Variants in RNGTT observed in about 807,000 individuals in gnomAD.
The protein encoded by RNGTT is RNA guanylyltransferase and 5'-phosphatase, also known as mRNA-capping enzyme.
Under a neutral mutation model 79.3 loss-of-function variants are expected in RNGTT, and 33 were observed. The ratio of observed to expected loss-of-function variants is 0.42; its 90% CI spans 0.32 to 0.56. The LOEUF (loss-of-function observed/expected upper bound fraction) is 0.56, where lower values mean the gene tolerates loss of function less well. Among genes scored for constraint, RNGTT ranks in the 20% least tolerant of loss-of-function variants. RNGTT has a pLI of 0.17. For synonymous variants in RNGTT, 222 were observed against 235.9 expected, an observed-to-expected ratio of 0.94 and a Z score of 0.54; for missense variants, 497 against 739.1, an observed-to-expected ratio of 0.67 and a Z score of 3.80.
chr6:88,799,875 A>G (rs910265725), intron 12 of RNGTT, among the ~76,000 whole-genome samples: 1 of 152,040 alleles, frequency 6.6e-6, no homozygotes, highest in African/African-American at 2.4e-5. Context: ...AAATTTTCTG[A>G]ATTTATTGTT....
At chr6:88,615,440 G>A (rs1298538216) in intron 14 of RNGTT, among the ~76,000 whole-genome samples, 1 of 152,102 alleles carries the variant, frequency 6.6e-6, no homozygotes, top group Admixed American at 6.5e-5. Context: ...TGTACCATCT[G>A]CATTTTCAAC....
At chr6:88,864,608 C>T (rs1284989011) in intron 8 of RNGTT, among the ~76,000 whole-genome samples, 4 of 152,064 alleles carry the variant, frequency 2.6e-5, no homozygotes, top group African/African-American at 9.7e-5. Flanking sequence ...TTTAAACTGT[C>T]CTAAGACAGT....
At chr6:88,850,049 CTCA>C (rs1209139233) in intron 9 of RNGTT, among the ~76,000 whole-genome samples, 1 of 151,896 alleles carries the variant, frequency 6.6e-6, no homozygotes, top group East Asian at 1.9e-4. Context: ...CTGACAATAT[CTCA>C]TCATATTTTT....
intron 12 of RNGTT, among the ~76,000 whole-genome samples, chr6:88,775,222 TTGTA>T (rs1778836652): frequency 6.6e-6 from 1 of 152,180 alleles, no homozygotes; most frequent in African/African-American, 2.4e-5. Context: ...CACAGTTACC[TTGTA>T]TGTGTGTACA....
chr6:88,913,630 CA>C (rs1263542853), intron 4 of RNGTT, among the ~76,000 whole-genome samples: 1 of 152,130 alleles, frequency 6.6e-6, no homozygotes, highest in African/African-American at 2.4e-5. Context: ...TCAATGGCTG[CA>C]AAACAAGCAT....
chr6:88,815,599 G>A (rs1405111721), intron 11 of RNGTT, among the ~76,000 whole-genome samples: 1 of 152,166 alleles, frequency 6.6e-6, no homozygotes, highest in African/African-American at 2.4e-5. Flanking sequence ...TATTTCTCTA[G>A]TTGATACCAT....
intron 4 of RNGTT, among the ~76,000 whole-genome samples, chr6:88,925,891 A>C (rs1784304300): frequency 1.3e-5 from 2 of 152,176 alleles, no homozygotes; most frequent in African/African-American, 4.8e-5. Context: ...TCTTAAAAAA[A>C]AATCTGGATT....
intron 7 of RNGTT, 91 bp from the exon 8 acceptor site, chr6:88,890,687 T>A: frequency 1.4e-6 from 1 of 738,812 alleles, no homozygotes; most frequent in Non-Finnish European, 2.2e-6. Flanking sequence ...CACACATTTA[T>A]CACAATGTTC....
At chr6:88,697,807 G>T (rs893283711) in intron 13 of RNGTT, among the ~76,000 whole-genome samples, 2 of 148,698 alleles carry the variant, frequency 1.3e-5, no homozygotes, top group Non-Finnish European at 3.0e-5. Flanking sequence ...GGGGGCAGAG[G>T]TTGCAGTAAG....
chr6:88,692,298 T>A (rs139697686), intron 13 of RNGTT, among the ~76,000 whole-genome samples: 1 of 152,254 alleles, frequency 6.6e-6, no homozygotes, highest in East Asian at 1.9e-4. Context: ...GCCCCTGCCC[T>A]AAATAAATGA....
Position 88,844,461 on chromosome 6 carries a change from T to A in RNGTT, c.1165A>T (p.Ile389Leu). The A allele has an allele frequency of 6.2e-6, 10 of 1,614,036 alleles. No homozygotes were observed. The highest frequency in any genetic ancestry group is 8.5e-6 in the Non-Finnish European group (10 of 1,179,914). Reference sequence around the variant, plus strand: ...TTCATTTTTTCGTGTCGAGGACTTATAATTTCTCGTTCTATACACTGCAGA... The same window carrying A: ...TTCATTTTTTCGTGTCGAGGACTTAAAATTTCTCGTTCTATACACTGCAGA... The part of the protein sequence containing the change: ...VRLQCIEREI[I>L]SPRHEKMKTG... The change falls in exon 11 of 16, where the codon ATA becomes TTA. Residue 389 changes from isoleucine to leucine, a missense_variant. Transcript: ENST00000369485.
At chr6:88,956,987 G>T (rs1376785164) in intron 1 of RNGTT, among the ~76,000 whole-genome samples, 7 of 152,008 alleles carry the variant, frequency 4.6e-5, no homozygotes, top group Non-Finnish European at 8.8e-5. Context: ...GAGCTGAGAT[G>T]GTGCCACCGC....
chr6:88,820,682 A>G (rs1422787695), intron 11 of RNGTT, among the ~76,000 whole-genome samples: 2 of 152,168 alleles, frequency 1.3e-5, no homozygotes, highest in Non-Finnish European at 2.9e-5. Flanking sequence ...TGAATTTCAA[A>G]ATTTAAAATA....
At chr6:88,860,598 C>T (rs1781981871) in intron 8 of RNGTT, among the ~76,000 whole-genome samples, 1 of 152,112 alleles carries the variant, frequency 6.6e-6, no homozygotes, top group South Asian at 2.1e-4. Context: ...CTGCTGGCTT[C>T]CCTTGATTCC....
intron 11 of RNGTT, among the ~76,000 whole-genome samples, chr6:88,803,811 T>C (rs745569750): frequency 2.0e-5 from 3 of 152,146 alleles, no homozygotes; most frequent in Non-Finnish European, 4.4e-5. Context: ...GGACCATGCC[T>C]GTATGTAAAG....
chr6:88,709,933 T>C (rs991145675), intron 13 of RNGTT, among the ~76,000 whole-genome samples: 4 of 152,256 alleles, frequency 2.6e-5, no homozygotes, highest in African/African-American at 9.6e-5. Context: ...GAAGTTATGC[T>C]AGAAACTGTA....
intron 11 of RNGTT, among the ~76,000 whole-genome samples, chr6:88,842,473 AAG>A (rs1781327128): frequency 6.6e-6 from 1 of 152,036 alleles, no homozygotes; most frequent in Non-Finnish European, 1.5e-5. Context: ...AAAGAAAAAA[AAG>A]AGAATGAAAA....
intron 8 of RNGTT, among the ~76,000 whole-genome samples, chr6:88,865,221 T>A (rs963841633): frequency 6.6e-6 from 1 of 151,974 alleles, no homozygotes; most frequent in Non-Finnish European, 1.5e-5. Flanking sequence ...AGGCACAGAG[T>A]ACTTAATTAA....
At chr6:88,628,818 G>T (rs1432104595) in intron 14 of RNGTT, among the ~76,000 whole-genome samples, 1 of 152,064 alleles carries the variant, frequency 6.6e-6, no homozygotes, top group Admixed American at 6.6e-5. Flanking sequence ...TAGAGGAAAA[G>T]GAAAATTTTA....
Sources: allele counts gnomAD v4.1 joint callset (sites outside exome capture counted in the v4.1 genomes callset), GRCh38; gene constraint gnomAD v4.1.1; transcripts MANE v1.5; gene names NCBI Gene and HGNC (gene_info 2026-07-23, HGNC 2026-07-21).